FAAH2: variants seen among roughly 807,000 people sequenced by gnomAD.
FAAH2 encodes the protein fatty-acid amide hydrolase 2.
In FAAH2, 60 loss-of-function variants were observed where a neutral mutation model predicts 36.9. The ratio of observed to expected loss-of-function variants is 1.63; its 90% CI spans 1.32 to 2.02. The LOEUF (loss-of-function observed/expected upper bound fraction) is 2.02. Ranked by LOEUF, FAAH2 falls within the 30% of genes most tolerant of loss-of-function variation. FAAH2 has a pLI of 0.00. For missense variants in FAAH2, 689 were observed against 397.5 expected, an observed-to-expected ratio of 1.73 and a Z score of -6.23; for synonymous variants, 214 against 143.8, an observed-to-expected ratio of 1.49 and a Z score of -3.49.
Position 57,482,213 on chromosome X carries a change from C to T in FAAH2, c.1424-6544C>T, listed in dbSNP as rs545683798. 7.2e-5 allele frequency among the ~76,000 whole-genome samples: 8 copies of T among 111,743 alleles called. No individual in the cohort carries two copies. The South Asian group carries it at 2.6e-3, about 37-fold the overall frequency. ...ACCTGCTGAGCAACAACACTAGGCT[C>T]CCTGGCTTCAGACCCCTTTCCAGGA... On this transcript the variant is annotated intron_variant, in intron 10 of 10. Transcript: ENST00000374900.
rs767626100 is a variant in FAAH2, at chrX:57,432,048, CTCTT to C, written c.1116+17_1116+20del. On this transcript the variant is annotated intron_variant, in intron 8 of 10. Coordinates refer to ENST00000374900, the MANE Select transcript of FAAH2 (RefSeq NM_174912.4). ...GGACATGATGGGAAGGTATTTTTAC[CTCTT>C]TCTTTACTTACTTTTTTCTTTGTGT... The C allele has an allele frequency of 1.7e-5, 20 of 1,181,233 alleles. No homozygotes were observed. The highest frequency in any genetic ancestry group is 1.6e-4 in the African/African-American group (9 of 56,002).
chrX:57,213,305 T>A, the FAAH2 span, among the ~76,000 whole-genome samples: 1 of 111,663 alleles, frequency 9.0e-6, no homozygotes, highest in Admixed American at 9.5e-5. Flanking sequence ...ATACTTTGTA[T>A]TGATTTTTGT....
intron 8 of FAAH2, among the ~76,000 whole-genome samples, chrX:57,442,144 G>A (rs1443881429): frequency 9.0e-6 from 1 of 110,848 alleles, no homozygotes; most frequent in Non-Finnish European, 1.9e-5. Flanking sequence ...GCAGAGCTGA[G>A]TTCAATTCCT....
At position 57,295,472 on chromosome X, in the gene FAAH2, G is replaced by A. The variant is rs569841024; in HGVS notation, c.275+2892G>A. 3.3e-4 allele frequency among the ~76,000 whole-genome samples: 37 copies of A among 111,990 alleles called. No individual in the cohort carries two copies. The South Asian group carries it at 8.3e-3, about 25-fold the overall frequency. On this transcript the variant is annotated intron_variant, in intron 2 of 10. Coordinates refer to ENST00000374900, the MANE Select transcript of FAAH2 (RefSeq NM_174912.4). ...TCCCATCAGAAAGTGGCATATAGAG[G>A]GGGTGGAGCCAAGATGGCCGAATAG...
the FAAH2 span, among the ~76,000 whole-genome samples, chrX:57,245,628 T>C: frequency 7.1e-4 from 80 of 112,289 alleles, 2 homozygotes; most frequent in East Asian, 0.015. Context: ...GAATGACTAC[T>C]GGGTAAATAA....
chrX:57,175,289 T>A, the FAAH2 span, among the ~76,000 whole-genome samples: 1 of 111,924 alleles, frequency 8.9e-6, no homozygotes, highest in Non-Finnish European at 1.9e-5. Context: ...GATTGTAATA[T>A]CTTCTTGTTG....
intron 5 of FAAH2, among the ~76,000 whole-genome samples, chrX:57,376,191 G>GT (rs1011733899): frequency 2.5e-4 from 28 of 110,429 alleles, no homozygotes; most frequent in Non-Finnish European, 4.7e-4. Flanking sequence ...GATCATTTTT[G>GT]TTTTTTTCTC....
At chrX:57,379,666 A>G (rs141186478) in intron 6 of FAAH2, among the ~76,000 whole-genome samples, 343 of 108,844 alleles carry the variant, frequency 3.2e-3, no homozygotes, top group African/African-American at 0.011. Context: ...TTAAGCCACT[A>G]CTCTATGCCG....
the FAAH2 span, among the ~76,000 whole-genome samples, chrX:57,154,428 G>A: frequency 4.4e-3 from 466 of 106,278 alleles, 2 homozygotes; most frequent in Non-Finnish European, 7.4e-3. Flanking sequence ...CATGCCTGGC[G>A]ATTTTTTTTT....
the FAAH2 span, among the ~76,000 whole-genome samples, chrX:57,209,431 G>A: frequency 9.0e-6 from 1 of 111,494 alleles, no homozygotes; most frequent in South Asian, 3.8e-4. Flanking sequence ...CCCTTCGTGG[G>A]TGTCAGTTCC....
chrX:57,196,959 A>T, the FAAH2 span, among the ~76,000 whole-genome samples: 121 of 112,029 alleles, frequency 1.1e-3, 1 homozygote, highest in East Asian at 0.024. Context: ...TTATTTCTTC[A>T]AGTAAGTTTA....
chrX:57,169,148 T>C, the FAAH2 span, among the ~76,000 whole-genome samples: 2 of 110,376 alleles, frequency 1.8e-5, no homozygotes, highest in African/African-American at 3.3e-5. Flanking sequence ...TCTCTTCTGC[T>C]TTTTATGAAG....
At chrX:57,341,676 GATTAA>G (rs766130977) in intron 5 of FAAH2, among the ~76,000 whole-genome samples, 29 of 108,519 alleles carry the variant, frequency 2.7e-4, no homozygotes, top group Non-Finnish European at 5.0e-4. Context: ...AGCTCAGAAA[GATTAA>G]ATAAACCGGC....
the FAAH2 span, among the ~76,000 whole-genome samples, chrX:57,171,174 GTTGA>G: frequency 6.3e-5 from 7 of 111,600 alleles, no homozygotes; most frequent in African/African-American, 2.3e-4. Flanking sequence ...GGGCCCTTAG[GTTGA>G]TTCCATATCT....
the FAAH2 span, among the ~76,000 whole-genome samples, chrX:57,220,879 C>G: frequency 8.9e-6 from 1 of 112,086 alleles, no homozygotes; most frequent in Non-Finnish European, 1.9e-5. Flanking sequence ...AAACCTCCTA[C>G]TTATATCTCA....
At chrX:57,306,151 T>C (rs2052516879) in intron 2 of FAAH2, among the ~76,000 whole-genome samples, 1 of 111,912 alleles carries the variant, frequency 8.9e-6, no homozygotes, top group African/African-American at 3.2e-5. Context: ...TTCACACCCT[T>C]CTGCTTCTTT....
At chrX:57,166,551 G>A in the FAAH2 span, among the ~76,000 whole-genome samples, 5 of 112,211 alleles carry the variant, frequency 4.5e-5, no homozygotes, top group African/African-American at 1.6e-4. Flanking sequence ...TGAGATTAAG[G>A]GAGCTTTCCC....
the FAAH2 span, among the ~76,000 whole-genome samples, chrX:57,218,927 G>A: frequency 9.0e-6 from 1 of 111,587 alleles, no homozygotes; most frequent in African/African-American, 3.3e-5. Context: ...ATTAAGCTAG[G>A]TGTAAGATTG....
intron 5 of FAAH2, among the ~76,000 whole-genome samples, chrX:57,350,148 TA>T (rs1179136134): frequency 9.0e-6 from 1 of 111,360 alleles, no homozygotes; most frequent in East Asian, 2.8e-4. Context: ...GTGAATACTA[TA>T]TTCAGCAATA....
Sources: gnomAD v4.1 joint callset for allele counts (sites outside exome capture counted in the v4.1 genomes callset) on GRCh38, gnomAD v4.1.1 for gene constraint, MANE v1.5 for transcripts, NCBI Gene and HGNC (gene_info 2026-07-23, HGNC 2026-07-21) for gene names.